Variants in GABRR2 observed in about 807,000 individuals in gnomAD.
The protein encoded by GABRR2 is gamma-aminobutyric acid type A receptor subunit rho2.
A neutral mutation model predicts 47.0 loss-of-function variants in GABRR2; 36 were observed. That is an observed-to-expected ratio of 0.77 (90% CI 0.59 to 1.01). The LOEUF is 1.01. Ranked by LOEUF, GABRR2 falls within the 50% of genes least tolerant of loss-of-function variation. The probability of loss-of-function intolerance (pLI) is 0.00; values close to 1 mark genes in which losing one functional copy is unlikely to be tolerated. For missense variants in GABRR2, 587 were observed against 594.6 expected (o/e 0.99, Z 0.13); for synonymous variants, 204 against 227.5 (o/e 0.90, Z 0.93).
intron 1 of GABRR2, among the ~76,000 whole-genome samples, chr6:89,314,024 T>TG (rs1354083552): frequency 4.1e-5 from 6 of 144,676 alleles, no homozygotes; most frequent in South Asian, 2.1e-4. Flanking sequence ...TTCAGGGTTT[T>TG]TTTTTTTTTT....
intron 2 of GABRR2, among the ~76,000 whole-genome samples, chr6:89,282,880 G>C (rs111917078): frequency 0.026 from 3,909 of 152,250 alleles, 85 homozygotes; most frequent in Non-Finnish European, 0.039. Flanking sequence ...CCATTCCCAC[G>C]ATACTGTGCA....
intron 8 of GABRR2, among the ~76,000 whole-genome samples, chr6:89,263,437 T>C (rs757347589): frequency 3.9e-5 from 6 of 152,170 alleles, no homozygotes; most frequent in Admixed American, 6.5e-5. Context: ...GCACAAGGGG[T>C]CAGCCCCCCC....
chr6:89,307,368 A>C (rs1247684275), intron 1 of GABRR2, among the ~76,000 whole-genome samples: 1 of 152,188 alleles, frequency 6.6e-6, no homozygotes, highest in Non-Finnish European at 1.5e-5. Flanking sequence ...GCTTTGTGTT[A>C]TGTTGGCTAG....
intron 8 of GABRR2, among the ~76,000 whole-genome samples, chr6:89,260,651 A>G (rs1411522987): frequency 6.6e-6 from 1 of 152,180 alleles, no homozygotes; most frequent in Admixed American, 6.5e-5. Flanking sequence ...GAGCATCAGA[A>G]TCACCTGGGA....
In GABRR2 at chr6:89,265,774, T is replaced by C. The variant is rs1773880420; in HGVS notation, c.737-9A>G. 1 of 1,613,304 alleles carries C rather than the reference T, an allele frequency of 6.2e-7. No individual in the cohort carries two copies. ...CAGACGGTTGTACCAGCCTAGGGGATGCAGGAAGAAGCCAATGAGGTTCCA... is the reference window on the plus strand; with the variant it reads ...CAGACGGTTGTACCAGCCTAGGGGACGCAGGAAGAAGCCAATGAGGTTCCA... On this transcript the variant is annotated splice_polypyrimidine_tract_variant and intron_variant, in intron 6 of 8. Transcript: ENST00000402938.
At chr6:89,306,791 A>AG (rs957707390) in intron 1 of GABRR2, among the ~76,000 whole-genome samples, 2 of 152,226 alleles carry the variant, frequency 1.3e-5, no homozygotes, top group African/African-American at 4.8e-5. Context: ...AACAAAAAAA[A>AG]AGAGAGAGAA....
At chr6:89,309,350 C>T (rs937113886) in intron 1 of GABRR2, among the ~76,000 whole-genome samples, 1 of 151,984 alleles carries the variant, frequency 6.6e-6, no homozygotes, top group Non-Finnish European at 1.5e-5. Context: ...TTGAACCCTG[C>T]CCTCATGCCC....
At chr6:89,271,785 C>A in intron 2 of GABRR2, 63 bp from the exon 3 acceptor site, 3 of 1,439,410 alleles carry the variant, frequency 2.1e-6, no homozygotes, top group Non-Finnish European at 2.9e-6. Context: ...CTGGGAACAG[C>A]CCCAGTTGGC....
rs149512087 is a variant in GABRR2 at position 89,262,696 on chromosome 6, A to G, written c.1086+1716T>C. ...GTCCCATTGACCAAAATGTCGTTAC[A>G]TGGCAAAAATAAATTATTTTAATTT... On this transcript the variant is annotated intron_variant, in intron 8 of 8. Transcript: ENST00000402938. Among the ~76,000 whole-genome samples the G allele has an allele frequency of 5.9e-5, 9 of 152,354 alleles. No homozygotes were observed. In the East Asian group the frequency reaches 1.2e-3, roughly 20 times the overall value.
chr6:89,306,783 C>CAA (rs5878088), intron 1 of GABRR2, among the ~76,000 whole-genome samples: 14 of 123,416 alleles, frequency 1.1e-4, no homozygotes, highest in South Asian at 2.5e-4. Context: ...TATTACTAAA[C>CAA]AAAAAAAAAG....
chr6:89,302,486 C>T (rs557208367), intron 1 of GABRR2: 2 of 669,192 alleles, frequency 3.0e-6, no homozygotes, highest in Non-Finnish European at 2.6e-6. Flanking sequence ...AGGATCACTA[C>T]CTCCTTGTGC....
At chr6:89,306,196 G>C (rs925049676) in intron 1 of GABRR2, among the ~76,000 whole-genome samples, 2 of 151,380 alleles carry the variant, frequency 1.3e-5, no homozygotes, top group African/African-American at 4.9e-5. Flanking sequence ...GGGCAACATA[G>C]CAAGACCCCG....
At chr6:89,277,632 C>CCTG (rs71024361) in intron 2 of GABRR2, among the ~76,000 whole-genome samples, 121,343 of 151,288 alleles carry the variant, frequency 0.8, 49,124 homozygotes, top group East Asian at 0.97. Flanking sequence ...CACACATGTA[C>CCTG]CTGAATCTAA....
At chr6:89,311,802 C>G (rs1170290151) in intron 1 of GABRR2, among the ~76,000 whole-genome samples, 1 of 152,192 alleles carries the variant, frequency 6.6e-6, no homozygotes, top group Non-Finnish European at 1.5e-5. Flanking sequence ...CTCACCACCC[C>G]CCTTTTCAGC....
At chr6:89,298,042 T>C (rs1774587007) in intron 2 of GABRR2, among the ~76,000 whole-genome samples, 1 of 152,204 alleles carries the variant, frequency 6.6e-6, no homozygotes, top group Non-Finnish European at 1.5e-5. Flanking sequence ...AACTTTATTT[T>C]CGTAAAATTC....
intron 8 of GABRR2, among the ~76,000 whole-genome samples, chr6:89,263,060 T>A (rs1381350519): frequency 1.3e-5 from 2 of 152,196 alleles, no homozygotes; most frequent in Non-Finnish European, 2.9e-5. Context: ...AGTTGACCCT[T>A]GAACAACACA....
chr6:89,288,890 GC>G (rs1307615285), intron 2 of GABRR2, among the ~76,000 whole-genome samples: 1 of 152,140 alleles, frequency 6.6e-6, no homozygotes, highest in Non-Finnish European at 1.5e-5. Context: ...CAAGAGATCC[GC>G]CTCAGTCTCC....
At chr6:89,268,964 T>C (rs369521101) in intron 4 of GABRR2, 47 bp downstream of exon 4, 3 of 1,551,588 alleles carry the variant, frequency 1.9e-6, no homozygotes, top group Non-Finnish European at 2.7e-6. Context: ...TGACCACACA[T>C]ACCAGAAAGG....
At chr6:89,302,352 G>C in intron 1 of GABRR2, 1 of 565,692 alleles carries the variant, frequency 1.8e-6, no homozygotes, top group Non-Finnish European at 3.6e-6. Context: ...ACCAGCTGGT[G>C]GAGAATACAG....
Sources: allele counts gnomAD v4.1 joint callset (sites outside exome capture counted in the v4.1 genomes callset), GRCh38; gene constraint gnomAD v4.1.1; transcripts MANE v1.5; gene names NCBI Gene and HGNC (gene_info 2026-07-23, HGNC 2026-07-21).